The following NR2C2 variants were observed in gnomAD, a reference collection of about 807,000 sequenced individuals.
NR2C2 encodes Nuclear hormone receptor TR4.
NR2C2 carries 6 observed loss-of-function variants against 62.9 expected under a neutral mutation model. The observed-to-expected ratio is 0.10, with a 90% confidence interval of 0.05 to 0.19. The LOEUF is 0.19. Ranked by LOEUF, NR2C2 falls within the 10% of genes least tolerant of loss-of-function variation. The pLI, the probability that NR2C2 is intolerant of heterozygous loss-of-function variation, is 1.00. For missense variants in NR2C2, 479 were observed against 762.7 expected, an observed-to-expected ratio of 0.63 and a Z score of 4.38; for synonymous variants, 272 against 273.8, an observed-to-expected ratio of 0.99 and a Z score of 0.07.
In NR2C2 at chr3:15,045,655, G is replaced by C. The variant is rs919407721; in HGVS notation, c.*2647G>C. ...GCAGGTCCATTTCATCTCCTGTCAG[G>C]TTGGTTAAGTAAAGTCAGCCCAAAG... On this transcript the variant is annotated 3_prime_UTR_variant, in exon 14 of 14. Transcript: ENST00000425241. 2 of 152,656 alleles carry C rather than the reference G, an allele frequency of 1.3e-5. No individual in the cohort carries two copies. Among genetic ancestry groups the C allele is most frequent in the African/African-American group, 2.4e-5 (1 of 41,454 alleles). 9.5% of individuals were successfully genotyped at this position (152,656 alleles called of 1,614,324 possible).
chr3:15,028,345 T>C (rs1464175684), intron 7 of NR2C2, among the ~76,000 whole-genome samples: 1 of 152,248 alleles, frequency 6.6e-6, no homozygotes, highest in Admixed American at 6.5e-5. Context: ...ACAGTTTTAA[T>C]GAAGTCTAGT....
At chr3:15,038,932 G>A in intron 12 of NR2C2, 190 bp from the exon 13 acceptor site, 1 of 582,252 alleles carries the variant, frequency 1.7e-6, no homozygotes, top group East Asian at 2.8e-5. Context: ...CCGCTCCCAG[G>A]AACTTCAGGC....
chr3:15,034,028 C>T (rs1267637873), intron 10 of NR2C2, among the ~76,000 whole-genome samples: 18 of 152,196 alleles, frequency 1.2e-4, no homozygotes, highest in Admixed American at 1.2e-3. Context: ...CAAGACAGCC[C>T]AGTTTCTCCG....
At chr3:14,960,450 A>C (rs972330653) in intron 1 of NR2C2, among the ~76,000 whole-genome samples, 1 of 152,198 alleles carries the variant, frequency 6.6e-6, no homozygotes, top group African/African-American at 2.4e-5. Context: ...GTGAATTATT[A>C]CAGAAATAAT....
rs2042474124 is a variant in NR2C2 at position 15,046,925 on chromosome 3, G to GTCTT, written c.*3919_*3922dup. The GTCTT allele has an allele frequency of 6.6e-6, 1 of 152,614 alleles. No homozygotes were observed. The highest frequency in any genetic ancestry group is 2.1e-4 in the South Asian group (1 of 4,828). 9.5% of individuals were successfully genotyped at this position (152,614 alleles called of 1,614,324 possible). On this transcript the variant is annotated 3_prime_UTR_variant, in exon 14 of 14. Coordinates refer to ENST00000425241, the MANE Select transcript of NR2C2 (RefSeq NM_001291694.2). ...CCTCATCAAGACAGGGTTGGTTTGG[G>GTCTT]TCTTTTGTACACAGGGTCTGGACCT...
intron 2 of NR2C2, among the ~76,000 whole-genome samples, chr3:15,009,011 G>C (rs139409617): frequency 1.7e-3 from 266 of 152,208 alleles, no homozygotes; most frequent in African/African-American, 6.2e-3. Context: ...ACCTGAGGTT[G>C]GGAGTTTGAG....
intron 10 of NR2C2, among the ~76,000 whole-genome samples, chr3:15,033,233 T>C (rs1351223692): frequency 6.6e-6 from 1 of 152,250 alleles, no homozygotes; most frequent in African/African-American, 2.4e-5. Context: ...GTTGACACTA[T>C]TGTCTTTGGG....
Position 14,947,612 on chromosome 3 carries a change from G to GGGCGGC in NR2C2, c.-321_-316dup, listed in dbSNP as rs753634277. 515 of 153,176 alleles carry GGGCGGC rather than the reference G, an allele frequency of 3.4e-3. 15 individuals are homozygous for GGGCGGC. Among genetic ancestry groups the GGGCGGC allele is most frequent in the Non-Finnish European group, 4.4e-3 (308 of 69,248 alleles). 9.5% of individuals were successfully genotyped at this position (153,176 alleles called of 1,614,324 possible). A position where few individuals can be genotyped will look rare whatever the true frequency, so the allele number is the denominator to read the frequency against. ...ATTCGCCCTCCTCCTACCAGCGCGC[G>GGGCGGC]GGCGGCGGCGGCGGCGGCACCGGGG... On this transcript the variant is annotated 5_prime_UTR_variant, in exon 1 of 14. Transcript: ENST00000425241.
intron 2 of NR2C2, chr3:15,004,525 G>A (rs1285658338): frequency 1.0e-5 from 16 of 1,587,648 alleles, no homozygotes; most frequent in African/African-American, 1.3e-5. Flanking sequence ...TTAACTAATC[G>A]ATATTCACTT....
intron 2 of NR2C2, among the ~76,000 whole-genome samples, chr3:15,013,297 G>A (rs2041407322): frequency 6.6e-6 from 1 of 152,182 alleles, no homozygotes; most frequent in African/African-American, 2.4e-5. Context: ...TTTTCAAAAA[G>A]TTAAACCTAC....
intron 1 of NR2C2, among the ~76,000 whole-genome samples, chr3:14,974,865 A>G (rs766857022): frequency 2.0e-5 from 3 of 152,106 alleles, no homozygotes; most frequent in Non-Finnish European, 2.9e-5. Context: ...TGGCCTCCCA[A>G]AGTGCTGGGA....
Position 15,023,284 on chromosome 3 carries a change from G to T in NR2C2, c.641G>T (p.Arg214Leu). ...CAASTEKIYI[R>L]KDLRSPLIAT... ...GCTTCAACTGAGAAAATCTATATCC[G>T]GAAAGACCTGAGAAGTCCCCTGATA... Residue 214 changes from arginine to leucine, a missense_variant, in exon 6 of 14, where the codon CGG becomes CTG. Coordinates refer to ENST00000425241, the MANE Select transcript of NR2C2 (RefSeq NM_001291694.2). 1.2e-6 allele frequency: 2 copies of T among 1,614,192 alleles called. No homozygotes were observed. The highest frequency in any genetic ancestry group is 1.7e-6 in the Non-Finnish European group (2 of 1,180,040).
At chr3:15,016,058 T>C in intron 3 of NR2C2, 94 bp from the exon 4 acceptor site, 1 of 918,876 alleles carries the variant, frequency 1.1e-6, no homozygotes, top group South Asian at 1.4e-5. Context: ...CACCTCAGCC[T>C]CCCAAAGTGC....
intron 4 of NR2C2, among the ~76,000 whole-genome samples, chr3:15,018,025 G>A (rs1575011568): frequency 6.6e-6 from 1 of 152,192 alleles, no homozygotes; most frequent in South Asian, 2.1e-4. Context: ...TTGAGATGGA[G>A]TCTCACTCTG....
At chr3:14,967,035 T>G (rs1279318999) in intron 1 of NR2C2, among the ~76,000 whole-genome samples, 1 of 152,242 alleles carries the variant, frequency 6.6e-6, no homozygotes, top group African/African-American at 2.4e-5. Flanking sequence ...ATTCAGTCTT[T>G]ACTTGTTACA....
At chr3:15,039,479 C>T (rs1181109254) in intron 13 of NR2C2, among the ~76,000 whole-genome samples, 1 of 152,130 alleles carries the variant, frequency 6.6e-6, no homozygotes, top group African/African-American at 2.4e-5. Context: ...TGGCTGATTC[C>T]AGTTTTGCTG....
chr3:14,951,218 G>A (rs2039347187), intron 1 of NR2C2, among the ~76,000 whole-genome samples: 1 of 152,144 alleles, frequency 6.6e-6, no homozygotes, highest in South Asian at 2.1e-4. Context: ...CCTCCAGTGG[G>A]TTCACAGGGA....
chr3:14,969,962 C>T (rs377170045), intron 1 of NR2C2, among the ~76,000 whole-genome samples: 1 of 152,314 alleles, frequency 6.6e-6, no homozygotes, highest in East Asian at 1.9e-4. Flanking sequence ...GTTGGGTTTT[C>T]AGTGTGCTGG....
intron 3 of NR2C2, among the ~76,000 whole-genome samples, chr3:15,015,334 C>A (rs1406112294): frequency 1.3e-5 from 2 of 152,098 alleles, no homozygotes; most frequent in Admixed American, 1.3e-4. Context: ...TAGTATTCTC[C>A]CAGATGAATT....
Sources: gnomAD v4.1 joint callset for allele counts (sites outside exome capture counted in the v4.1 genomes callset) on GRCh38, gnomAD v4.1.1 for gene constraint, MANE v1.5 for transcripts, NCBI Gene and HGNC (gene_info 2026-07-23, HGNC 2026-07-21) for gene names.